The following ECE1 variants were observed in gnomAD, a reference collection of about 807,000 sequenced individuals.
The protein encoded by ECE1 is endothelin converting enzyme 1.
ECE1 carries 35 observed loss-of-function variants against 98.6 expected under a neutral mutation model. That is an observed-to-expected ratio of 0.35 (90% CI 0.27 to 0.47). ECE1 has a LOEUF of 0.47. Among genes scored for constraint, ECE1 ranks in the 20% least tolerant of loss-of-function variants. ECE1 has a pLI of 1.00. For synonymous variants in ECE1, 394 were observed against 407.1 expected (o/e 0.97, Z 0.39); for missense variants, 814 against 1,025.3 (o/e 0.79, Z 2.81).
chr1:21,283,420 G>A (rs1015487677), intron 2 of ECE1, among the ~76,000 whole-genome samples: 3 of 151,874 alleles, frequency 2.0e-5, no homozygotes, highest in Non-Finnish European at 2.9e-5. Context: ...ACAGGTGTCC[G>A]CCACCACGCC....
rs780729580 is a variant in ECE1 at position 21,260,396 on chromosome 1, G to C, written c.494-4C>G. 6.2e-6 allele frequency: 10 copies of C among 1,614,076 alleles called. No individual in the cohort carries two copies. The highest frequency in any genetic ancestry group is 2.7e-5 in the African/African-American group (2 of 74,938). ...CTCACGCTGGCCGTGGAGTTTTCTG[G>C]AACAACAGACAGTGGAGTTTGCAAT... On this transcript the variant is annotated splice_polypyrimidine_tract_variant and splice_region_variant and intron_variant, in intron 4 of 18. Coordinates refer to ENST00000374893, the MANE Select transcript of ECE1 (RefSeq NM_001397.3). This position sits in a 1 kb window ranked among gnomAD's most constrained non-coding sequence, Gnocchi z 4.3.
intron 10 of ECE1, among the ~76,000 whole-genome samples, chr1:21,239,399 A>C (rs1324052587): frequency 6.6e-6 from 1 of 152,148 alleles, no homozygotes; most frequent in Non-Finnish European, 1.5e-5. Context: ...CTTAACCCCA[A>C]AGAACAGGTG....
intron 13 of ECE1, among the ~76,000 whole-genome samples, chr1:21,234,192 T>C (rs1208942625): frequency 2.0e-5 from 3 of 151,824 alleles, no homozygotes; most frequent in African/African-American, 7.3e-5. Flanking sequence ...TTCACCACAT[T>C]GGCCAGGCTG....
Position 21,218,310 on chromosome 1 carries a change from C to T in ECE1, c.*1645G>A, listed in dbSNP as rs900548177. The T allele has an allele frequency of 2.0e-5, 3 of 152,424 alleles. No individual in the cohort carries two copies. The highest frequency in any genetic ancestry group is 7.2e-5 in the African/African-American group (3 of 41,470). 9.4% of individuals were successfully genotyped at this position (152,424 alleles called of 1,614,324 possible). ...TCTTCCGATGCCCTGTGCCATGGACCTGCCGGCCAGAGCTCCTGGGCTCCC... is the reference window on the plus strand; with the variant it reads ...TCTTCCGATGCCCTGTGCCATGGACTTGCCGGCCAGAGCTCCTGGGCTCCC... On this transcript the variant is annotated 3_prime_UTR_variant, in exon 19 of 19. Coordinates refer to ENST00000374893, the MANE Select transcript of ECE1 (RefSeq NM_001397.3). The surrounding 1 kb of genome is among the most constrained non-coding windows in gnomAD (Gnocchi z 4.0).
At chr1:21,298,762 C>T in intron 1 of ECE1, 1 of 456,300 alleles carries the variant, frequency 2.2e-6, no homozygotes, top group Non-Finnish European at 4.4e-6. Flanking sequence ...CAGGTTTTCC[C>T]ATGACATCAG....
At chr1:21,274,139 G>A (rs1349064437) in intron 3 of ECE1, among the ~76,000 whole-genome samples, 1 of 152,252 alleles carries the variant, frequency 6.6e-6, no homozygotes, top group Non-Finnish European at 1.5e-5. Context: ...CAGGCATCAT[G>A]TCCCTAGTTA....
At position 21,218,596 on chromosome 1, in the gene ECE1, CT is replaced by C. The variant is rs1558359026; in HGVS notation, c.*1358del. ...GGGAGGTGACAGCTGTTTCTCTTTT[CT>C]TTTTTTTGGGACGGAGTCTCCCTCT... is the stretch of plus-strand genomic sequence containing the variant. On this transcript the variant is annotated 3_prime_UTR_variant, in exon 19 of 19. Transcript: ENST00000374893. The surrounding 1 kb of genome is among the most constrained non-coding windows in gnomAD (Gnocchi z 4.0). 6.6e-6 allele frequency: 1 copy of C among 152,230 alleles called. No homozygotes were observed. Among genetic ancestry groups the C allele is most frequent in the Non-Finnish European group, 1.5e-5 (1 of 68,214 alleles). 9.4% of individuals were successfully genotyped at this position (152,230 alleles called of 1,614,324 possible). A position where few individuals can be genotyped will look rare whatever the true frequency, so the allele number is the denominator to read the frequency against.
chr1:21,332,056 A>G (rs554489707), intron 1 of ECE1, among the ~76,000 whole-genome samples: 1 of 152,082 alleles, frequency 6.6e-6, no homozygotes, highest in Non-Finnish European at 1.5e-5. Context: ...CGTGGACTTG[A>G]GCTCACTAAG....
intron 1 of ECE1, among the ~76,000 whole-genome samples, chr1:21,316,638 G>T (rs945991080): frequency 6.6e-6 from 1 of 151,962 alleles, no homozygotes; most frequent in Non-Finnish European, 1.5e-5. Flanking sequence ...GTCGCCAAGA[G>T]ACATGAATAT....
chr1:21,255,922 CCCTAGCAGCCGGCGCTCAAGTTA>C lies in ECE1; in HGVS notation c.1020+2_1020+24del. ...TGAAACCTGGAGGCCATCCCAGCCT[CCCTAGCAGCCGGCGCTCAAGTTA>C]CCTGCAGCTCGGCTGCCGTCACTTT... On this transcript the variant is annotated splice_donor_variant and splice_donor_5th_base_variant and intron_variant, in intron 8 of 18. Transcript: ENST00000374893. LOFTEE classifies it high-confidence loss of function. 6.2e-7 allele frequency: 1 copy of C among 1,613,218 alleles called. No individual in the cohort carries two copies. Among genetic ancestry groups the C allele is most frequent in the Non-Finnish European group, 8.5e-7 (1 of 1,179,786 alleles).
chr1:21,277,332 C>G (rs28367946), intron 3 of ECE1, among the ~76,000 whole-genome samples: 1 of 152,214 alleles, frequency 6.6e-6, no homozygotes, highest in Non-Finnish European at 1.5e-5. Context: ...CGTGGGGACT[C>G]CCCCCTGGTT....
chr1:21,289,272 C>T (rs1403444816), intron 2 of ECE1, among the ~76,000 whole-genome samples: 1 of 152,110 alleles, frequency 6.6e-6, no homozygotes, highest in African/African-American at 2.4e-5. Flanking sequence ...CTAGGGTGTC[C>T]GCAGCGTTTC....
intron 16 of ECE1, among the ~76,000 whole-genome samples, chr1:21,226,198 C>A (rs932260854): frequency 6.6e-6 from 1 of 152,158 alleles, no homozygotes; most frequent in Admixed American, 6.5e-5. Context: ...TGATTCAACG[C>A]CCCCTGACTG....
At chr1:21,329,877 G>A (rs1639159396) in intron 1 of ECE1, among the ~76,000 whole-genome samples, 1 of 152,298 alleles carries the variant, frequency 6.6e-6, no homozygotes, top group Admixed American at 6.5e-5. Context: ...ATGGTCTAGG[G>A]CTCACGTGGA....
intron 1 of ECE1, among the ~76,000 whole-genome samples, chr1:21,311,210 G>A (rs1638715285): frequency 1.3e-5 from 2 of 152,114 alleles, no homozygotes; most frequent in Non-Finnish European, 2.9e-5. Flanking sequence ...GGTCTGGCTG[G>A]CTGCCCACAC....
intron 1 of ECE1, among the ~76,000 whole-genome samples, chr1:21,330,031 C>T (rs1639162065): frequency 6.6e-6 from 1 of 151,950 alleles, no homozygotes; most frequent in South Asian, 2.1e-4. Context: ...CTTTGCCTGG[C>T]TGGCAAACTC....
intron 1 of ECE1, among the ~76,000 whole-genome samples, chr1:21,318,212 C>T (rs981011882): frequency 8.5e-5 from 13 of 152,148 alleles, no homozygotes; most frequent in Admixed American, 7.9e-4. Flanking sequence ...AGGAGGCCCT[C>T]GTGTGGACTC....
intron 17 of ECE1, among the ~76,000 whole-genome samples, chr1:21,222,421 C>T (rs1415980313): frequency 6.6e-6 from 1 of 152,178 alleles, no homozygotes; most frequent in Non-Finnish European, 1.5e-5. Context: ...GGCAAAGCAA[C>T]TTCAGTGAAC....
intron 4 of ECE1, among the ~76,000 whole-genome samples, chr1:21,261,631 T>C (rs572720329): frequency 1.3e-5 from 2 of 152,356 alleles, no homozygotes; most frequent in Admixed American, 6.5e-5. Context: ...GCGGGTCTTA[T>C]TTATGCCTAT....
Sources: gnomAD v4.1 joint callset for allele counts (sites outside exome capture counted in the v4.1 genomes callset) on GRCh38, gnomAD v4.1.1 for gene constraint, Gnocchi (gnomAD v3.1) non-coding constraint, MANE v1.5 for transcripts, NCBI Gene and HGNC (gene_info 2026-07-23, HGNC 2026-07-21) for gene names.